The following MRPS28 variants were observed in gnomAD, a reference collection of about 807,000 sequenced individuals.
MRPS28 encodes the protein mitochondrial ribosomal protein S28.
Under a neutral mutation model 10.8 loss-of-function variants are expected in MRPS28, and 7 were observed. That is an observed-to-expected ratio of 0.65 (90% CI 0.37 to 1.22). MRPS28 has a LOEUF of 1.22. Among genes scored for constraint, MRPS28 ranks in the 50% most tolerant of loss-of-function variants. MRPS28 has a pLI of 0.02. For missense variants in MRPS28, 265 were observed against 232.9 expected (o/e 1.14, Z -0.90); for synonymous variants, 121 against 93.3 (o/e 1.30, Z -1.71).
intron 2 of MRPS28, among the ~76,000 whole-genome samples, chr8:79,939,255 A>T (rs1054112710): frequency 1.3e-5 from 2 of 152,266 alleles, no homozygotes; most frequent in Non-Finnish European, 2.9e-5. Flanking sequence ...CTTGCCAAGG[A>T]GCACACGGAT....
At position 79,959,383 on chromosome 8, in the gene MRPS28, A is replaced by T. The variant is rs1807311798; in HGVS notation, c.396-40235T>A. Among the ~76,000 whole-genome samples, 4 of 152,130 alleles carry T rather than the reference A, an allele frequency of 2.6e-5. No individual in the cohort carries two copies. The South Asian group carries it at 8.3e-4, about 31-fold the overall frequency. ...GGTATTCTACCTATTTTTAATAGTT[A>T]TAGGAAAATTGGCTTTTCTAACTGA... On this transcript the variant is annotated intron_variant, in intron 2 of 2. Transcript: ENST00000276585.
intron 2 of MRPS28, among the ~76,000 whole-genome samples, chr8:79,931,268 C>T (rs10099761): frequency 0.011 from 1,651 of 152,214 alleles, 24 homozygotes; most frequent in African/African-American, 0.038. Flanking sequence ...AGGTTATCTG[C>T]ATCTAGTTGT....
chr8:79,943,903 G>A (rs1051737321), intron 2 of MRPS28, among the ~76,000 whole-genome samples: 7 of 152,152 alleles, frequency 4.6e-5, no homozygotes, highest in Non-Finnish European at 8.8e-5. Context: ...GTGTGATAGT[G>A]TGATGTGAGC....
chr8:79,976,138 C>A (rs560429240), intron 2 of MRPS28, among the ~76,000 whole-genome samples: 1 of 151,690 alleles, frequency 6.6e-6, no homozygotes, highest in Admixed American at 6.6e-5. Context: ...GGCTGGAGTG[C>A]AATGGCGCAA....
At chr8:79,994,856 GCCA>G (rs1808459818) in intron 2 of MRPS28, among the ~76,000 whole-genome samples, 1 of 152,014 alleles carries the variant, frequency 6.6e-6, no homozygotes, top group Non-Finnish European at 1.5e-5. Context: ...CTAAACTTAA[GCCA>G]ACTAAACCAC....
chr8:80,029,927 C>A, intron 1 of MRPS28, 109 bp downstream of exon 1: 1 of 1,536,764 alleles, frequency 6.5e-7, no homozygotes, highest in Middle Eastern at 1.7e-4. Flanking sequence ...AAACTGGGCC[C>A]CGGACCTCAG....
At chr8:80,027,451 T>C (rs1202149883) in intron 1 of MRPS28, among the ~76,000 whole-genome samples, 2 of 152,206 alleles carry the variant, frequency 1.3e-5, no homozygotes, top group African/African-American at 2.4e-5. Context: ...TGAATGGCAG[T>C]AGGCCTCTGA....
At chr8:79,996,879 A>G (rs545255213) in intron 2 of MRPS28, among the ~76,000 whole-genome samples, 3 of 152,324 alleles carry the variant, frequency 2.0e-5, no homozygotes, top group African/African-American at 7.2e-5. Flanking sequence ...CGGGGTGAAA[A>G]GAAAATTTGG....
At chr8:79,971,850 A>G (rs547395303) in intron 2 of MRPS28, among the ~76,000 whole-genome samples, 17 of 152,170 alleles carry the variant, frequency 1.1e-4, no homozygotes, top group Admixed American at 7.2e-4. Flanking sequence ...GGTGGGAGAC[A>G]CGCCACCACG....
At chr8:80,009,389 A>C (rs1808962874) in intron 1 of MRPS28, among the ~76,000 whole-genome samples, 1 of 152,092 alleles carries the variant, frequency 6.6e-6, no homozygotes, top group Non-Finnish European at 1.5e-5. Context: ...ACAAACCTGC[A>C]CATTGTGCAC....
intron 2 of MRPS28, among the ~76,000 whole-genome samples, chr8:79,944,906 G>A (rs1806866753): frequency 6.6e-6 from 1 of 151,782 alleles, no homozygotes; most frequent in Non-Finnish European, 1.5e-5. Context: ...TGTTGTCCAG[G>A]CTAGTCTCGA....
intron 2 of MRPS28, among the ~76,000 whole-genome samples, chr8:79,999,268 C>T (rs1474273835): frequency 6.6e-6 from 1 of 152,164 alleles, no homozygotes; most frequent in Non-Finnish European, 1.5e-5. Flanking sequence ...ATAATCTAAA[C>T]GTACAGGTAC....
chr8:80,005,658 C>T (rs1808818372), intron 1 of MRPS28, among the ~76,000 whole-genome samples: 1 of 152,136 alleles, frequency 6.6e-6, no homozygotes, highest in Non-Finnish European at 1.5e-5. Context: ...TGTAAATGGG[C>T]TACATGCTCC....
chr8:79,952,880 C>T (rs1807113692), intron 2 of MRPS28, among the ~76,000 whole-genome samples: 1 of 152,152 alleles, frequency 6.6e-6, no homozygotes, highest in South Asian at 2.1e-4. Flanking sequence ...GTAAAGAACA[C>T]AAATTTCATC....
chr8:79,984,567 G>A (rs1317219667), intron 2 of MRPS28, among the ~76,000 whole-genome samples: 1 of 152,110 alleles, frequency 6.6e-6, no homozygotes, highest in African/African-American at 2.4e-5. Context: ...TCAAAATAAA[G>A]GGATGGAGGA....
chr8:79,940,588 T>A (rs1806740940), intron 2 of MRPS28, among the ~76,000 whole-genome samples: 1 of 152,242 alleles, frequency 6.6e-6, no homozygotes, highest in Non-Finnish European at 1.5e-5. Context: ...TTTTTCACCA[T>A]CTGCAAAGGT....
At chr8:79,930,065 C>T (rs963417048) in intron 2 of MRPS28, among the ~76,000 whole-genome samples, 7 of 152,182 alleles carry the variant, frequency 4.6e-5, no homozygotes, top group Non-Finnish European at 7.3e-5. Flanking sequence ...CAGTGACTTA[C>T]CACATCCATA....
intron 2 of MRPS28, among the ~76,000 whole-genome samples, chr8:79,978,994 AT>A (rs1563531832): frequency 6.6e-6 from 1 of 152,202 alleles, no homozygotes; most frequent in Non-Finnish European, 1.5e-5. Flanking sequence ...TCAGTCACTA[AT>A]TTTTTGTGTT....
chr8:80,009,474 G>T (rs1321990532), intron 1 of MRPS28, among the ~76,000 whole-genome samples: 1 of 151,916 alleles, frequency 6.6e-6, no homozygotes, highest in African/African-American at 2.4e-5. Context: ...AAATTAGCCA[G>T]GCATCATGGT....
Sources: allele counts gnomAD v4.1 joint callset (sites outside exome capture counted in the v4.1 genomes callset), GRCh38; gene constraint gnomAD v4.1.1; transcripts MANE v1.5; gene names NCBI Gene and HGNC (gene_info 2026-07-23, HGNC 2026-07-21).